The following CADM1 variants were observed in gnomAD, a reference collection of about 807,000 sequenced individuals.
CADM1 encodes TSLC-1.
CADM1 carries 15 observed loss-of-function variants against 53.1 expected under a neutral mutation model. That is an observed-to-expected ratio of 0.28 (90% CI 0.19 to 0.44). CADM1 has a LOEUF of 0.44. Ranked by LOEUF, CADM1 falls within the 20% of genes least tolerant of loss-of-function variation. CADM1 has a pLI of 1.00. For missense variants in CADM1, 434 were observed against 611.3 expected (o/e 0.71, Z 3.06); for synonymous variants, 281 against 243.0 (o/e 1.16, Z -1.45).
intron 1 of CADM1, among the ~76,000 whole-genome samples, chr11:115,496,385 CA>C (rs1949613656): frequency 6.6e-6 from 1 of 152,166 alleles, no homozygotes; most frequent in Non-Finnish European, 1.5e-5. Flanking sequence ...GTATTTTATG[CA>C]AAGGTAACCA....
At chr11:115,461,438 G>A (rs1202469929) in intron 1 of CADM1, among the ~76,000 whole-genome samples, 1 of 152,134 alleles carries the variant, frequency 6.6e-6, no homozygotes, top group Non-Finnish European at 1.5e-5. Context: ...AGCAGCTAAC[G>A]GGGAATGGTA....
At chr11:115,366,253 G>A (rs201615555) in intron 1 of CADM1, among the ~76,000 whole-genome samples, 21 of 152,158 alleles carry the variant, frequency 1.4e-4, no homozygotes, top group East Asian at 5.8e-4. Context: ...GACTTGCTAA[G>A]CAAATTGCCT....
chr11:115,400,509 C>T (rs1405340159), intron 1 of CADM1, among the ~76,000 whole-genome samples: 1 of 147,340 alleles, frequency 6.8e-6, no homozygotes, highest in African/African-American at 2.5e-5. Context: ...TCATACTTCA[C>T]ATTATATATC....
chr11:115,192,914 C>T (rs75153533), intron 9 of CADM1, among the ~76,000 whole-genome samples: 12 of 152,268 alleles, frequency 7.9e-5, no homozygotes, highest in Admixed American at 1.3e-4. Context: ...GCTCGGATTA[C>T]GTTCTAAAGC....
At chr11:115,225,439 A>G (rs937826195) in intron 5 of CADM1, among the ~76,000 whole-genome samples, 14 of 152,198 alleles carry the variant, frequency 9.2e-5, no homozygotes, top group African/African-American at 3.4e-4. Flanking sequence ...TTCAATGCAT[A>G]CTACACAATT....
At chr11:115,433,990 T>A (rs1036677162) in intron 1 of CADM1, among the ~76,000 whole-genome samples, 7 of 152,324 alleles carry the variant, frequency 4.6e-5, no homozygotes, top group Admixed American at 1.3e-4. Flanking sequence ...TTCAAATAAG[T>A]AATTTTAATG....
intron 1 of CADM1, among the ~76,000 whole-genome samples, chr11:115,429,471 G>A (rs754771467): frequency 1.8e-4 from 28 of 151,810 alleles, no homozygotes; most frequent in African/African-American, 3.9e-4. Context: ...TGGGCGTTGC[G>A]GTGGGCACCT....
At chr11:115,191,048 G>C in intron 9 of CADM1, 107 bp from the exon 10 acceptor site, 1 of 876,618 alleles carries the variant, frequency 1.1e-6, no homozygotes, top group Middle Eastern at 2.6e-4. Context: ...CAAATCTCTT[G>C]CTATCTATGT....
intron 1 of CADM1, among the ~76,000 whole-genome samples, chr11:115,427,880 G>A (rs1039808592): frequency 8.6e-5 from 13 of 151,478 alleles, no homozygotes; most frequent in Non-Finnish European, 1.6e-4. Context: ...GGTGGCACAC[G>A]CCTGCAGTCC....
At chr11:115,320,551 C>T (rs1387048081) in intron 1 of CADM1, among the ~76,000 whole-genome samples, 1 of 151,652 alleles carries the variant, frequency 6.6e-6, no homozygotes, top group African/African-American at 2.4e-5. Flanking sequence ...ATAGTATTTC[C>T]CTATACTGTA....
chr11:115,439,373 G>A (rs778018208), intron 1 of CADM1, among the ~76,000 whole-genome samples: 1 of 152,106 alleles, frequency 6.6e-6, no homozygotes, highest in Non-Finnish European at 1.5e-5. Flanking sequence ...GCAGGGAGGA[G>A]GTATACTAGC....
intron 6 of CADM1, among the ~76,000 whole-genome samples, chr11:115,217,609 TTGTG>T (rs917815795): frequency 2.6e-5 from 4 of 152,202 alleles, no homozygotes; most frequent in African/African-American, 9.7e-5. Context: ...GATTATTTTT[TTGTG>T]TGTGAGAGAA....
intron 1 of CADM1, among the ~76,000 whole-genome samples, chr11:115,293,200 A>C (rs545280769): frequency 6.6e-6 from 1 of 152,302 alleles, no homozygotes; most frequent in African/African-American, 2.4e-5. Flanking sequence ...TGGGAGGCCA[A>C]GGTGGGTGGA....
chr11:115,193,169 A>T (rs1440848664), intron 9 of CADM1, among the ~76,000 whole-genome samples: 1 of 152,234 alleles, frequency 6.6e-6, no homozygotes, highest in Non-Finnish European at 1.5e-5. Flanking sequence ...AAAGACAAAG[A>T]CGTATTTTAT....
intron 1 of CADM1, among the ~76,000 whole-genome samples, chr11:115,501,541 G>A (rs889762716): frequency 1.3e-5 from 2 of 152,202 alleles, no homozygotes; most frequent in African/African-American, 4.8e-5. Flanking sequence ...TAACACTGTG[G>A]AGTGAGCTTA....
At chr11:115,339,440 T>A (rs1375185090) in intron 1 of CADM1, among the ~76,000 whole-genome samples, 1 of 152,152 alleles carries the variant, frequency 6.6e-6, no homozygotes, top group Non-Finnish European at 1.5e-5. Context: ...CATGGAATAC[T>A]ATGCAGCCAT....
chr11:115,216,522 G>A (rs552956780), intron 6 of CADM1, among the ~76,000 whole-genome samples: 1 of 152,278 alleles, frequency 6.6e-6, no homozygotes, highest in East Asian at 1.9e-4. Flanking sequence ...CTGCTAATTA[G>A]GGAATAATTC....
At position 115,340,658 on chromosome 11, in the gene CADM1, AT is replaced by A. The variant is rs869273547; in HGVS notation, c.125-100239del. 9.7e-3 allele frequency among the ~76,000 whole-genome samples: 339 copies of A among 34,942 alleles called. 3 individuals are homozygous for A. Among genetic ancestry groups the A allele is most frequent in the African/African-American group, 0.011 (78 of 7,120 alleles). 22.9% of individuals were successfully genotyped at this position (34,942 alleles called of 152,430 possible). A position where few individuals can be genotyped will look rare whatever the true frequency, so the allele number is the denominator to read the frequency against. On this transcript the variant is annotated intron_variant, in intron 1 of 11. Transcript: ENST00000331581. ...TATATATATATATATATATATATAT[AT>A]TTTTTTTTTTTTTTTTTTTGAGACA... is the stretch of plus-strand genomic sequence containing the variant.
intron 1 of CADM1, among the ~76,000 whole-genome samples, chr11:115,481,817 C>T (rs975682238): frequency 6.6e-6 from 1 of 152,174 alleles, no homozygotes; most frequent in African/African-American, 2.4e-5. Flanking sequence ...TGCCTAGCAA[C>T]TACCTGGGTT....
Sources: allele counts gnomAD v4.1 joint callset (sites outside exome capture counted in the v4.1 genomes callset), GRCh38; gene constraint gnomAD v4.1.1; transcripts MANE v1.5; gene names NCBI Gene and HGNC (gene_info 2026-07-23, HGNC 2026-07-21).